Variants in ASTN1 observed in about 807,000 individuals in gnomAD.
ASTN1 encodes the protein astrotactin 1.
ASTN1 carries 41 observed loss-of-function variants against 140.7 expected under a neutral mutation model. The observed-to-expected ratio is 0.29, with a 90% CI of 0.23 to 0.38. The LOEUF is 0.38. Ranked by LOEUF, ASTN1 falls within the 10% of genes least tolerant of loss-of-function variation. The pLI, the probability that ASTN1 is intolerant of heterozygous loss-of-function variation, is 1.00. For synonymous variants in ASTN1, 640 were observed against 652.2 expected (o/e 0.98, Z 0.29); for missense variants, 1,479 against 1,678.8 (o/e 0.88, Z 2.08).
intron 2 of ASTN1, among the ~76,000 whole-genome samples, chr1:177,050,818 G>A (rs149766435): frequency 4.6e-4 from 70 of 152,240 alleles, no homozygotes; most frequent in South Asian, 2.1e-3. Flanking sequence ...TCAATGTCTG[G>A]AAGCATAATC....
At chr1:177,019,019 C>G (rs968555152) in intron 7 of ASTN1, among the ~76,000 whole-genome samples, 5 of 152,184 alleles carry the variant, frequency 3.3e-5, no homozygotes, top group Non-Finnish European at 5.9e-5. Flanking sequence ...GGCTGGGGCT[C>G]TGCTGCAGCC....
chr1:177,149,130 T>C lies in ASTN1; in HGVS notation c.283+15264A>G, dbSNP rs541085429. Among the ~76,000 whole-genome samples the C allele has an allele frequency of 9.3e-4, 123 of 132,184 alleles. 3 individuals are homozygous for C. The highest frequency in any genetic ancestry group is 3.3e-3 in the African/African-American group (114 of 34,800). 86.7% of individuals were successfully genotyped at this position (132,184 alleles called of 152,430 possible). ...ATAGTGTATATATAGTAAATATATA[T>C]AGTGCATATATATAGTGCATATATA... On this transcript the variant is annotated intron_variant, in intron 1 of 22. Coordinates refer to ENST00000361833, the MANE Select transcript of ASTN1 (RefSeq NM_004319.3).
rs747245785 is a variant in ASTN1 at position 176,949,231 on chromosome 1, G to T, written c.2008C>A (p.Pro670Thr). Residue 670 changes from proline to threonine, a missense_variant, in exon 12 of 23, where the codon CCC becomes ACC. Coordinates refer to ENST00000361833, the MANE Select transcript of ASTN1 (RefSeq NM_004319.3). ...TACAAGGTGGGGTCGTCCGGGAAGG[G>T]CGCCATCTGCTGGAGGCACAGCTGC... ...CEQLCLQQMA[P>T]FPDDPTLYNI... The T allele has an allele frequency of 1.2e-5, 20 of 1,613,980 alleles. No individual in the cohort carries two copies. Among genetic ancestry groups the T allele is most frequent in the Middle Eastern group, 1.6e-4 (1 of 6,080 alleles).
At chr1:177,004,519 C>T (rs1674901227) in intron 8 of ASTN1, among the ~76,000 whole-genome samples, 1 of 152,050 alleles carries the variant, frequency 6.6e-6, no homozygotes, top group Non-Finnish European at 1.5e-5. Flanking sequence ...CCCGAATAGC[C>T]AAAGCAATCC....
chr1:177,011,247 A>T (rs1571645919), intron 8 of ASTN1, among the ~76,000 whole-genome samples: 3 of 152,188 alleles, frequency 2.0e-5, no homozygotes, highest in Non-Finnish European at 4.4e-5. Flanking sequence ...CAAATTCTCC[A>T]TGAAACCCTA....
chr1:177,099,575 A>G (rs759832453), intron 1 of ASTN1, among the ~76,000 whole-genome samples: 2 of 152,202 alleles, frequency 1.3e-5, no homozygotes, highest in Non-Finnish European at 2.9e-5. Context: ...ATGAATAAAT[A>G]TTAATATTAA....
chr1:176,980,202 T>A (rs958872258), intron 8 of ASTN1, among the ~76,000 whole-genome samples: 3 of 151,896 alleles, frequency 2.0e-5, no homozygotes, highest in Non-Finnish European at 4.4e-5. Flanking sequence ...TGAGAACACA[T>A]CCACTTCAAA....
intron 16 of ASTN1, among the ~76,000 whole-genome samples, chr1:176,919,205 C>T (rs903210664): frequency 9.9e-5 from 15 of 152,130 alleles, no homozygotes; most frequent in African/African-American, 3.4e-4. Context: ...TTGCCCCAAA[C>T]CTGCACACAT....
intron 21 of ASTN1, among the ~76,000 whole-genome samples, chr1:176,874,709 A>T (rs2103017988): frequency 6.6e-6 from 1 of 152,266 alleles, no homozygotes; most frequent in Admixed American, 6.5e-5. Flanking sequence ...GAATATTATT[A>T]TATGCCAGGC....
At chr1:176,997,606 C>A (rs1366007463) in intron 8 of ASTN1, among the ~76,000 whole-genome samples, 1 of 152,006 alleles carries the variant, frequency 6.6e-6, no homozygotes. Context: ...TCTCATGACA[C>A]TAGAAATCTC....
At position 176,882,930 on chromosome 1, in the gene ASTN1, A is replaced by C. The variant is rs1668870285; in HGVS notation, c.3291T>G (p.Ser1097=). Reference sequence around the variant, plus strand: ...TGGTGAGCTGCTTGTCCGGCACCTGAGATGGCATTGCACAAGGAGACTTTG... The same window carrying C: ...TGGTGAGCTGCTTGTCCGGCACCTGCGATGGCATTGCACAAGGAGACTTTG... The part of the protein sequence containing the change: ...SGAKSPCAMP[S]QVPDKQLTTI... The change falls in exon 20 of 23, where the codon TCT becomes TCG. Residue 1097 remains serine (S), a synonymous_variant. Coordinates refer to ENST00000361833, the MANE Select transcript of ASTN1 (RefSeq NM_004319.3). The C allele has an allele frequency of 6.2e-7, 1 of 1,614,052 alleles. No individual in the cohort carries two copies. The highest frequency in any genetic ancestry group is 8.5e-7 in the Non-Finnish European group (1 of 1,180,024).
intron 2 of ASTN1, among the ~76,000 whole-genome samples, chr1:177,036,036 CTTTTTTTT>C (rs869200407): frequency 6.3e-5 from 5 of 78,788 alleles, no homozygotes; most frequent in African/African-American, 2.2e-4. Flanking sequence ...CCTCAGCTTT[CTTTTTTTT>C]TTTTTTTTTT....
At chr1:177,161,438 G>T (rs1292814661) in intron 1 of ASTN1, among the ~76,000 whole-genome samples, 1 of 152,182 alleles carries the variant, frequency 6.6e-6, no homozygotes, top group African/African-American at 2.4e-5. Flanking sequence ...TTGCACGTTT[G>T]TGAGTGTTTT....
chr1:177,066,043 T>A (rs981227494), intron 1 of ASTN1, among the ~76,000 whole-genome samples: 4 of 152,314 alleles, frequency 2.6e-5, no homozygotes, highest in Admixed American at 2.6e-4. Flanking sequence ...AAAATTTTGT[T>A]GTAACTTTGA....
chr1:176,941,078 T>C (rs1671693473), intron 14 of ASTN1, among the ~76,000 whole-genome samples: 1 of 152,224 alleles, frequency 6.6e-6, no homozygotes, highest in African/African-American at 2.4e-5. Flanking sequence ...TTAAGATCAC[T>C]TTAGCTCTAA....
chr1:177,074,148 T>C (rs1167347691), intron 1 of ASTN1, among the ~76,000 whole-genome samples: 1 of 152,146 alleles, frequency 6.6e-6, no homozygotes, highest in African/African-American at 2.4e-5. Context: ...GATCCTTTTA[T>C]TTCATAACTA....
chr1:177,044,560 G>C (rs79994981), intron 2 of ASTN1, among the ~76,000 whole-genome samples: 21,644 of 152,192 alleles, frequency 0.14, 1,931 homozygotes, highest in East Asian at 0.26. Flanking sequence ...GAAATTGAGC[G>C]GCAGCTCTTC....
At chr1:177,144,875 A>G (rs987210118) in intron 1 of ASTN1, among the ~76,000 whole-genome samples, 4 of 152,178 alleles carry the variant, frequency 2.6e-5, no homozygotes, top group Admixed American at 2.6e-4. Flanking sequence ...GGCGTAAGCC[A>G]CGAGTCCCTA....
chr1:177,092,993 T>C (rs1335781658), intron 1 of ASTN1, among the ~76,000 whole-genome samples: 1 of 152,190 alleles, frequency 6.6e-6, no homozygotes, highest in Non-Finnish European at 1.5e-5. Context: ...GTTATAGAAA[T>C]GCTGAACAAG....
Sources: allele counts gnomAD v4.1 joint callset (sites outside exome capture counted in the v4.1 genomes callset), GRCh38; gene constraint gnomAD v4.1.1; transcripts MANE v1.5; gene names NCBI Gene and HGNC (gene_info 2026-07-23, HGNC 2026-07-21).